STX8: variants seen among roughly 807,000 people sequenced by gnomAD.
STX8 encodes syntaxin 8, also known as syntaxin-8.
A neutral mutation model predicts 37.5 loss-of-function variants in STX8; 23 were observed. The observed-to-expected ratio is 0.61, with a 90% confidence interval of 0.44 to 0.87. STX8 has a LOEUF of 0.87. STX8 is among the 40% of genes least tolerant of loss of function. STX8 has a pLI of 0.00. For synonymous variants in STX8, 115 were observed against 99.1 expected (o/e 1.16, Z -0.95); for missense variants, 313 against 284.7 (o/e 1.10, Z -0.71).
chr17:9,408,367 A>G (rs763607883), intron 6 of STX8, among the ~76,000 whole-genome samples: 10 of 152,170 alleles, frequency 6.6e-5, no homozygotes, highest in Non-Finnish European at 8.8e-5. Flanking sequence ...AGTTATCCCC[A>G]GGAAAGGGAT....
intron 6 of STX8, among the ~76,000 whole-genome samples, chr17:9,443,903 C>A (rs887259927): frequency 6.6e-6 from 1 of 152,170 alleles, no homozygotes; most frequent in Admixed American, 6.5e-5. Context: ...CCAATATACA[C>A]CCTTCCTTTT....
chr17:9,478,368 T>C (rs1449566150), intron 6 of STX8, among the ~76,000 whole-genome samples: 1 of 152,152 alleles, frequency 6.6e-6, no homozygotes, highest in African/African-American at 2.4e-5. Context: ...ACTCCTGACC[T>C]CAGGTGATCT....
intron 4 of STX8, among the ~76,000 whole-genome samples, chr17:9,511,693 A>C (rs1905022141): frequency 6.6e-6 from 1 of 152,060 alleles, no homozygotes; most frequent in East Asian, 1.9e-4. Context: ...AAGGATGCCC[A>C]CTCTCATCAC....
intron 3 of STX8, chr17:9,556,767 A>ATATATG (rs1371803551): frequency 2.4e-4 from 11 of 45,260 alleles, no homozygotes; most frequent in African/African-American, 1.1e-3. Flanking sequence ...ATATATATAT[A>ATATATG]TATATATATA....
chr17:9,302,539 C>T lies in STX8; in HGVS notation c.644-51894G>A, dbSNP rs141316515. Among the ~76,000 whole-genome samples, 444 of 152,168 alleles carry T rather than the reference C, an allele frequency of 2.9e-3. 5 individuals carry two copies. The highest frequency in any genetic ancestry group is 0.01 in the Middle Eastern group (3 of 294). ...TGAATTCATAACTGTGCTTAAATAG[C>T]CACCCTGCTCTAAAAGCTCTAAGAG... On this transcript the variant is annotated intron_variant, in intron 7 of 7. Transcript: ENST00000306357.
intron 6 of STX8, among the ~76,000 whole-genome samples, chr17:9,422,536 G>GAATC: frequency 6.6e-6 from 1 of 152,328 alleles, no homozygotes; most frequent in East Asian, 1.9e-4. Context: ...CATAAAAATG[G>GAATC]AATCATACAA....
chr17:9,452,146 CTTT>C (rs548547661), intron 6 of STX8: 4 of 151,550 alleles, frequency 2.6e-5, no homozygotes, highest in Non-Finnish European at 2.9e-5. Flanking sequence ...TTAGTAACTT[CTTT>C]GACTTTTTTT....
At chr17:9,474,281 A>G (rs1313202813) in intron 6 of STX8, among the ~76,000 whole-genome samples, 1 of 152,134 alleles carries the variant, frequency 6.6e-6, no homozygotes, top group Admixed American at 6.5e-5. Context: ...CCTTTTAATA[A>G]AACTGTAATA....
chr17:9,295,383 T>C (rs1379378016), intron 7 of STX8, among the ~76,000 whole-genome samples: 1 of 152,240 alleles, frequency 6.6e-6, no homozygotes, highest in Non-Finnish European at 1.5e-5. Flanking sequence ...CCCTAGCATG[T>C]AGCAGACATT....
At chr17:9,339,314 C>A (rs1910250270) in intron 7 of STX8, among the ~76,000 whole-genome samples, 2 of 152,092 alleles carry the variant, frequency 1.3e-5, no homozygotes, top group Non-Finnish European at 1.5e-5. Flanking sequence ...CAAAAACCAA[C>A]CAACCAATCA....
chr17:9,460,112 A>G (rs936937494), intron 6 of STX8, among the ~76,000 whole-genome samples: 2 of 152,220 alleles, frequency 1.3e-5, no homozygotes, highest in African/African-American at 4.8e-5. Flanking sequence ...ACCAGTAGCA[A>G]AGTCTCCTTC....
chr17:9,366,562 A>G (rs766868473), intron 7 of STX8, among the ~76,000 whole-genome samples: 3 of 152,174 alleles, frequency 2.0e-5, no homozygotes, highest in Non-Finnish European at 4.4e-5. Context: ...TTCTCGAATG[A>G]GCTCGGGCCC....
At chr17:9,278,829 G>A (rs1290303974) in intron 7 of STX8, among the ~76,000 whole-genome samples, 2 of 152,014 alleles carry the variant, frequency 1.3e-5, no homozygotes, top group Non-Finnish European at 2.9e-5. Flanking sequence ...GAGTATGGGA[G>A]CTTCTAAGAC....
At chr17:9,251,836 C>T (rs1906590263) in intron 7 of STX8, among the ~76,000 whole-genome samples, 1 of 152,218 alleles carries the variant, frequency 6.6e-6, no homozygotes, top group African/African-American at 2.4e-5. Context: ...GTGGGCACTG[C>T]ACCATGGTTT....
At position 9,471,154 on chromosome 17, in the gene STX8, T is replaced by TTC. The variant is rs1555530012; in HGVS notation, c.541+20674_541+20675insGA. ...GGGCGTGAGCCACCGCACCCTGCTT[T>TTC]TTTTTTTTTTTTTTTTTGAGACAGT... On this transcript the variant is annotated intron_variant, in intron 6 of 7. Coordinates refer to ENST00000306357, the MANE Select transcript of STX8 (RefSeq NM_004853.3). Among the ~76,000 whole-genome samples the TTC allele has an allele frequency of 8.4e-5, 11 of 131,722 alleles. No individual in the cohort carries two copies. The Admixed American group carries it at 8.4e-4, about 10-fold the overall frequency. The allele number at this position is 131,722 out of a possible 152,430, so 86.4% of individuals were successfully genotyped here.
chr17:9,361,941 A>T (rs556434072), intron 7 of STX8, among the ~76,000 whole-genome samples: 94 of 152,364 alleles, frequency 6.2e-4, no homozygotes, highest in Non-Finnish European at 1.1e-3. Context: ...TTATAGTTAC[A>T]GTTTTAAAGA....
At chr17:9,362,391 T>C in intron 7 of STX8, among the ~76,000 whole-genome samples, 1 of 152,144 alleles carries the variant, frequency 6.6e-6, no homozygotes, top group East Asian at 1.9e-4. Context: ...GAGAAAAACA[T>C]AAGGAATCTC....
chr17:9,532,474 A>T (rs1295113008), intron 4 of STX8, among the ~76,000 whole-genome samples: 2 of 152,150 alleles, frequency 1.3e-5, no homozygotes, highest in Non-Finnish European at 2.9e-5. Flanking sequence ...ATACGTGTAG[A>T]ATCCTTCTGG....
intron 6 of STX8, among the ~76,000 whole-genome samples, chr17:9,460,569 AGGCTG>A (rs1567570713): frequency 6.7e-6 from 1 of 149,876 alleles, no homozygotes; most frequent in Non-Finnish European, 1.5e-5. Context: ...GCTACTCAGG[AGGCTG>A]AGGCAGGAGA....
Sources: allele counts gnomAD v4.1 joint callset (sites outside exome capture counted in the v4.1 genomes callset), GRCh38; gene constraint gnomAD v4.1.1; transcripts MANE v1.5; gene names NCBI Gene and HGNC (gene_info 2026-07-23, HGNC 2026-07-21).